The following RBFOX1 variants were observed in gnomAD, a reference collection of about 807,000 sequenced individuals.
RBFOX1 encodes the protein RNA binding fox-1 homolog 1.
Under a neutral mutation model 57.7 loss-of-function variants are expected in RBFOX1, and 8 were observed. The observed-to-expected ratio is 0.14, with a 90% CI of 0.08 to 0.25. The LOEUF is 0.25. Ranked by LOEUF, RBFOX1 falls within the 10% of genes least tolerant of loss-of-function variation. The pLI is 1.00. For missense variants in RBFOX1, 611 were observed against 548.5 expected (o/e 1.11, Z -1.14); for synonymous variants, 326 against 222.4 (o/e 1.47, Z -4.15).
chr16:6,973,077 G>A (rs2085946105), intron 3 of RBFOX1, among the ~76,000 whole-genome samples: 2 of 152,094 alleles, frequency 1.3e-5, no homozygotes, highest in Admixed American at 1.3e-4. Flanking sequence ...GCTGCAGTGA[G>A]CTGAGATTGC....
chr16:7,024,075 C>G (rs551111750), intron 3 of RBFOX1, among the ~76,000 whole-genome samples: 4 of 152,206 alleles, frequency 2.6e-5, no homozygotes, highest in African/African-American at 9.6e-5. Context: ...TTCTTAACAG[C>G]AGGGTGTGGC....
intron 4 of RBFOX1, among the ~76,000 whole-genome samples, chr16:7,471,205 C>G (rs897850595): frequency 6.6e-6 from 1 of 152,226 alleles, no homozygotes; most frequent in Middle Eastern, 3.4e-3. Flanking sequence ...TAACGAGTGC[C>G]TGTTTGTTCA....
At chr16:6,955,352 A>G (rs572709977) in intron 3 of RBFOX1, among the ~76,000 whole-genome samples, 2 of 109,050 alleles carry the variant, frequency 1.8e-5, no homozygotes, top group African/African-American at 5.5e-5. Context: ...ACATATGCAC[A>G]CACACACACA....
At chr16:7,026,916 C>T (rs1225592510) in intron 3 of RBFOX1, among the ~76,000 whole-genome samples, 7 of 152,276 alleles carry the variant, frequency 4.6e-5, no homozygotes, top group East Asian at 1.9e-4. Context: ...AGGGTAATAC[C>T]GGAGCTGGCG....
intron 4 of RBFOX1, among the ~76,000 whole-genome samples, chr16:7,403,274 T>G (rs4786158): frequency 0.32 from 48,457 of 152,006 alleles, 8,810 homozygotes; most frequent in East Asian, 0.68. Flanking sequence ...AAACTTCAAG[T>G]ATACAATACA....
At chr16:5,960,034 C>T (rs896031457) in intron 4 of RBFOX1, among the ~76,000 whole-genome samples, 1 of 152,080 alleles carries the variant, frequency 6.6e-6, no homozygotes, top group Non-Finnish European at 1.5e-5. Flanking sequence ...AACCCCGTCT[C>T]TACTATAAAT....
At chr16:6,831,780 G>T (rs2092725731) in intron 3 of RBFOX1, among the ~76,000 whole-genome samples, 1 of 152,182 alleles carries the variant, frequency 6.6e-6, no homozygotes, top group Admixed American at 6.5e-5. Flanking sequence ...ACATCTTTGG[G>T]AAGGAGGGAC....
intron 3 of RBFOX1, among the ~76,000 whole-genome samples, chr16:5,638,263 G>T (rs1423564547): frequency 6.6e-6 from 1 of 152,194 alleles, no homozygotes; most frequent in African/African-American, 2.4e-5. Context: ...CCAGACAGGT[G>T]GAAGAGCCTG....
At chr16:7,256,509 C>G in intron 4 of RBFOX1, among the ~76,000 whole-genome samples, 1 of 152,174 alleles carries the variant, frequency 6.6e-6, no homozygotes, top group Non-Finnish European at 1.5e-5. Flanking sequence ...TTCCTAATCA[C>G]CATTCCCCTT....
At chr16:6,960,466 G>T (rs138544586) in intron 3 of RBFOX1, among the ~76,000 whole-genome samples, 1 of 152,008 alleles carries the variant, frequency 6.6e-6, no homozygotes, top group Non-Finnish European at 1.5e-5. Flanking sequence ...CCCAGTTCTC[G>T]TGTATGTTGT....
intron 4 of RBFOX1, among the ~76,000 whole-genome samples, chr16:7,316,139 T>C (rs2096433948): frequency 1.3e-5 from 2 of 152,206 alleles, no homozygotes; most frequent in Admixed American, 1.3e-4. Context: ...AAGAAGATTA[T>C]GTGTTTATAT....
intron 1 of RBFOX1, among the ~76,000 whole-genome samples, chr16:6,057,950 AG>A (rs1249520712): frequency 1.3e-5 from 2 of 149,456 alleles, no homozygotes; most frequent in Non-Finnish European, 3.0e-5. Context: ...GTCAAAGATG[AG>A]GGGAAATCTT....
At chr16:6,738,120 G>A (rs1190493340) in intron 3 of RBFOX1, among the ~76,000 whole-genome samples, 2 of 150,900 alleles carry the variant, frequency 1.3e-5, no homozygotes, top group Non-Finnish European at 2.9e-5. Context: ...TTGTCAAGAT[G>A]GTGTAATAGG....
At chr16:6,197,019 T>TA (rs1478764678) in intron 1 of RBFOX1, among the ~76,000 whole-genome samples, 1 of 152,194 alleles carries the variant, frequency 6.6e-6, no homozygotes, top group Non-Finnish European at 1.5e-5. Context: ...AAGAAAGACA[T>TA]ATATAATTGC....
At chr16:5,637,358 C>T (rs2048715037) in intron 3 of RBFOX1, among the ~76,000 whole-genome samples, 1 of 152,150 alleles carries the variant, frequency 6.6e-6, no homozygotes, top group African/African-American at 2.4e-5. Context: ...AAGTGGTCTC[C>T]AGAGCTAGGT....
intron 3 of RBFOX1, among the ~76,000 whole-genome samples, chr16:5,816,503 C>A (rs1263429758): frequency 6.6e-6 from 1 of 152,138 alleles, no homozygotes; most frequent in Non-Finnish European, 1.5e-5. Context: ...TCTGAAGCTC[C>A]TTTCTCAATT....
Position 7,390,206 on chromosome 16 carries a change from G to A in RBFOX1, c.28-127941G>A, listed in dbSNP as rs4587996. 2.2e-3 allele frequency among the ~76,000 whole-genome samples: 330 copies of A among 151,982 alleles called. 1 individual carries two copies. The highest frequency in any genetic ancestry group is 6.7e-3 in the African/African-American group (277 of 41,430). On this transcript the variant is annotated intron_variant, in intron 4 of 15. Transcript: ENST00000550418. ...TTTGCTCCCATTATTCTGTCATCTCGCACCAGACCCCTCCTCCAACACTGA... is the reference window on the plus strand; with the variant it reads ...TTTGCTCCCATTATTCTGTCATCTCACACCAGACCCCTCCTCCAACACTGA...
At chr16:5,974,131 C>T (rs999730970) in intron 4 of RBFOX1, among the ~76,000 whole-genome samples, 2 of 152,124 alleles carry the variant, frequency 1.3e-5, no homozygotes, top group African/African-American at 4.8e-5. Flanking sequence ...CATTCTTAAC[C>T]ATTGTTCTCT....
intron 4 of RBFOX1, among the ~76,000 whole-genome samples, chr16:7,183,334 T>C (rs2083101081): frequency 6.6e-6 from 1 of 152,156 alleles, no homozygotes; most frequent in South Asian, 2.1e-4. Context: ...TAGGGGTTGA[T>C]CTCAAATTTG....
Sources: allele counts gnomAD v4.1 joint callset (sites outside exome capture counted in the v4.1 genomes callset), GRCh38; gene constraint gnomAD v4.1.1; transcripts MANE v1.5; gene names NCBI Gene and HGNC (gene_info 2026-07-23, HGNC 2026-07-21).